MAPRE3: variants seen among roughly 807,000 people sequenced by gnomAD.
The protein encoded by MAPRE3 is microtubule-associated protein RP/EB family member 3.
A neutral mutation model predicts 30.5 loss-of-function variants in MAPRE3; 2 were observed. The observed-to-expected ratio is 0.07, with a 90% confidence interval of 0.03 to 0.21. The LOEUF (loss-of-function observed/expected upper bound fraction) is 0.21. Ranked by LOEUF, MAPRE3 falls within the 10% of genes least tolerant of loss-of-function variation. The pLI is 1.00. For missense variants in MAPRE3, 204 were observed against 351.8 expected, an observed-to-expected ratio of 0.58 and a Z score of 3.36; for synonymous variants, 110 against 127.7, an observed-to-expected ratio of 0.86 and a Z score of 0.93.
At chr2:26,981,692 G>A (rs893251549) in intron 1 of MAPRE3, among the ~76,000 whole-genome samples, 2 of 152,170 alleles carry the variant, frequency 1.3e-5, no homozygotes, top group Non-Finnish European at 2.9e-5. Flanking sequence ...GGATCATGGA[G>A]CCTACCTTGA....
chr2:27,005,591 G>C (rs1484700615), intron 1 of MAPRE3, among the ~76,000 whole-genome samples: 2 of 152,200 alleles, frequency 1.3e-5, no homozygotes, highest in African/African-American at 2.4e-5. Flanking sequence ...ACTCCCTTGA[G>C]TGGTTAGGGT....
chr2:27,008,792 AC>A (rs1666785165), intron 1 of MAPRE3, among the ~76,000 whole-genome samples: 1 of 152,186 alleles, frequency 6.6e-6, no homozygotes, highest in African/African-American at 2.4e-5. Flanking sequence ...ACTGGAGACA[AC>A]CCTGACATCC....
chr2:27,001,718 A>G (rs1666603809), intron 1 of MAPRE3, among the ~76,000 whole-genome samples: 4 of 152,242 alleles, frequency 2.6e-5, no homozygotes, highest in African/African-American at 9.6e-5. Flanking sequence ...ACATGTATAC[A>G]TACATACATT....
chr2:27,004,728 T>TAAAAAA (rs563188243), intron 1 of MAPRE3, among the ~76,000 whole-genome samples: 122 of 120,420 alleles, frequency 1.0e-3, no homozygotes, highest in African/African-American at 3.6e-3. Flanking sequence ...AAGGATCTAG[T>TAAAAAA]AAAAAAAAAA....
Position 26,999,488 on chromosome 2 carries a change from C to CTTTTTT in MAPRE3, c.-7-22702_-7-22697dup, listed in dbSNP as rs531651199. The stretch of plus-strand genomic sequence containing the variant: ...TTTTTTCTTCTTTCTTTCCTTCTTT[C>CTTTTTT]TTTTTTTTTTTTTTTTTTTTTTTTT... On this transcript the variant is annotated intron_variant, in intron 1 of 6. Transcript: ENST00000233121. Among the ~76,000 whole-genome samples the CTTTTTT allele has an allele frequency of 8.7e-3, 691 of 78,992 alleles. 50 individuals carry two copies. The highest frequency in any genetic ancestry group is 0.012 in the African/African-American group (231 of 18,890). The allele number at this position is 78,992 out of a possible 152,430, so 51.8% of individuals were successfully genotyped here.
chr2:27,000,204 GA>G (rs1295581421), intron 1 of MAPRE3, among the ~76,000 whole-genome samples: 1 of 152,160 alleles, frequency 6.6e-6, no homozygotes, highest in East Asian at 1.9e-4. Context: ...AACAATAAAA[GA>G]AATTTTAGTA....
intron 1 of MAPRE3, among the ~76,000 whole-genome samples, chr2:27,003,323 T>C (rs926278708): frequency 4.6e-5 from 7 of 152,076 alleles, no homozygotes; most frequent in African/African-American, 1.7e-4. Context: ...CAAGACAGGC[T>C]GAATGCAGAA....
intron 1 of MAPRE3, among the ~76,000 whole-genome samples, chr2:26,993,664 A>C (rs1333683777): frequency 6.6e-6 from 1 of 152,166 alleles, no homozygotes; most frequent in Admixed American, 6.5e-5. Context: ...GTGGTGACTA[A>C]ACTCTTGGTA....
intron 1 of MAPRE3, chr2:26,995,463 G>C (rs977578817): frequency 2.0e-5 from 3 of 152,202 alleles, no homozygotes; most frequent in Admixed American, 1.3e-4. Context: ...CTTCTAGAAA[G>C]TAAGGAACTT....
At chr2:27,020,874 C>T (rs1437963883) in intron 1 of MAPRE3, among the ~76,000 whole-genome samples, 5 of 152,132 alleles carry the variant, frequency 3.3e-5, no homozygotes, top group Non-Finnish European at 7.4e-5. Context: ...GGCTGGAAGG[C>T]CTTTTAGGAG....
intron 1 of MAPRE3, among the ~76,000 whole-genome samples, chr2:27,002,676 C>G (rs1476822173): frequency 6.6e-6 from 1 of 152,138 alleles, no homozygotes; most frequent in Non-Finnish European, 1.5e-5. Flanking sequence ...TGCAGGCTGT[C>G]CTGTATGTCC....
At position 27,017,681 on chromosome 2, in the gene MAPRE3, G is replaced by C. The variant is rs1213591954; in HGVS notation, c.-7-4531G>C. Among the ~76,000 whole-genome samples the C allele has an allele frequency of 2.0e-5, 3 of 152,264 alleles. No homozygotes were observed. In the East Asian group the frequency reaches 5.8e-4, roughly 29 times the overall value. On this transcript the variant is annotated intron_variant, in intron 1 of 6. Coordinates refer to ENST00000233121, the MANE Select transcript of MAPRE3 (RefSeq NM_012326.4). The stretch of plus-strand genomic sequence containing the variant: ...CAGATAAGTGGCAGAACATCCCAAT[G>C]TTCCAGCCTTTGCCATTGCAACAAA...
chr2:26,985,879 C>T lies in MAPRE3; in HGVS notation c.-8+15077C>T, dbSNP rs1666208298. On this transcript the variant is annotated intron_variant, in intron 1 of 6. Transcript: ENST00000233121. This position sits in a 1 kb window ranked among gnomAD's most constrained non-coding sequence, Gnocchi z 4.2. ...AGAGATTGGAGTGACCTGAAGCCAC[C>T]AGAAGCTGGAAGAGAGGCAGGGAGC... 6.6e-6 allele frequency among the ~76,000 whole-genome samples: 1 copy of T among 151,980 alleles called. No homozygotes were observed. The highest frequency in any genetic ancestry group is 2.4e-5 in the African/African-American group (1 of 41,380).
chr2:26,976,904 A>C (rs1325656543), intron 1 of MAPRE3, among the ~76,000 whole-genome samples: 1 of 152,252 alleles, frequency 6.6e-6, no homozygotes, highest in Non-Finnish European at 1.5e-5. Flanking sequence ...AGAGGTGTGT[A>C]CAGAAATAAT....
intron 1 of MAPRE3, among the ~76,000 whole-genome samples, chr2:26,974,370 T>A (rs1665974564): frequency 6.6e-6 from 1 of 152,234 alleles, no homozygotes; most frequent in Non-Finnish European, 1.5e-5. Context: ...TTATCACACA[T>A]TCTGACTTCA....
intron 1 of MAPRE3, among the ~76,000 whole-genome samples, chr2:26,978,371 G>C (rs977731942): frequency 5.9e-5 from 9 of 152,168 alleles, no homozygotes; most frequent in African/African-American, 2.2e-4. Flanking sequence ...ATCTCCAGTG[G>C]CATAATGTGT....
chr2:27,018,895 T>TTTTATTTA (rs143408252), intron 1 of MAPRE3, among the ~76,000 whole-genome samples: 6,285 of 146,868 alleles, frequency 0.043, 249 homozygotes, highest in African/African-American at 0.097. Context: ...GCACACACAT[T>TTTTATTTA]TTTATTTATT....
intron 1 of MAPRE3, among the ~76,000 whole-genome samples, chr2:27,002,334 A>C (rs1306220577): frequency 6.6e-6 from 1 of 152,206 alleles, no homozygotes; most frequent in African/African-American, 2.4e-5. Flanking sequence ...AAAGTTTTAC[A>C]CATATCTATA....
intron 6 of MAPRE3, 65 bp from the exon 7 acceptor site, chr2:27,026,215 C>T: frequency 6.7e-7 from 1 of 1,499,354 alleles, no homozygotes; most frequent in Non-Finnish European, 9.2e-7. Context: ...CAGCTACTTA[C>T]AGAACCTGAG....
Sources: gnomAD v4.1 joint callset for allele counts (sites outside exome capture counted in the v4.1 genomes callset) on GRCh38, gnomAD v4.1.1 for gene constraint, Gnocchi (gnomAD v3.1) non-coding constraint, MANE v1.5 for transcripts, NCBI Gene and HGNC (gene_info 2026-07-23, HGNC 2026-07-21) for gene names.